The following ANK1 variants were observed in gnomAD, a reference collection of about 807,000 sequenced individuals.
ANK1 encodes the protein ankyrin-1.
ANK1 carries 51 observed loss-of-function variants against 210.4 expected under a neutral mutation model. The observed-to-expected ratio is 0.24, with a 90% CI of 0.19 to 0.31. The LOEUF is 0.31. Among genes scored for constraint, ANK1 ranks in the 10% least tolerant of loss-of-function variants. ANK1 has a pLI of 1.00. For missense variants in ANK1, 2,051 were observed against 2,504.4 expected (o/e 0.82, Z 3.86); for synonymous variants, 967 against 1,025.9 (o/e 0.94, Z 1.10).
intron 1 of ANK1, among the ~76,000 whole-genome samples, chr8:41,812,396 G>T (rs927019514): frequency 1.3e-5 from 2 of 152,204 alleles, no homozygotes; most frequent in African/African-American, 4.8e-5. Flanking sequence ...CTGTAGAAAG[G>T]AAGAAGGGCC....
At chr8:41,749,904 G>A (rs577993259) in intron 2 of ANK1, among the ~76,000 whole-genome samples, 9 of 152,314 alleles carry the variant, frequency 5.9e-5, no homozygotes, top group African/African-American at 1.2e-4. Context: ...GAGCCACCAC[G>A]CCCAGCCTCA....
At chr8:41,763,881 C>CTTTTTTGTTT (rs1841052618) in intron 1 of ANK1, among the ~76,000 whole-genome samples, 2 of 72,136 alleles carry the variant, frequency 2.8e-5, no homozygotes, top group Non-Finnish European at 5.4e-5. Context: ...TTCTTTTTTT[C>CTTTTTTGTTT]TTTTTTTCTT....
chr8:41,865,037 C>T (rs991128634), intron 1 of ANK1, among the ~76,000 whole-genome samples: 2 of 152,184 alleles, frequency 1.3e-5, no homozygotes, highest in Non-Finnish European at 2.9e-5. Context: ...GGGATCACCC[C>T]CATTCCTACC....
rs367977787 is a variant in ANK1, at chr8:41,708,832, T to C, written c.1944A>G (p.Ala648=). 44 of 1,613,978 alleles carry C rather than the reference T, an allele frequency of 2.7e-5. No individual in the cohort carries two copies. In the African/African-American group the frequency reaches 4.0e-4, roughly 15 times the overall value. Residue 648 remains alanine (A), a synonymous_variant, in exon 17 of 43, where the codon GCA becomes GCG. Coordinates refer to ENST00000289734, the MANE Select transcript of ANK1 (RefSeq NM_000037.4). ...PLHLAAQEGH[A]EMVALLLSKQ... ...TCGAGAGCAGCAGAGCCACCATCTC[T>C]GCGTGGCCCTCCTGGGCGGCCAGGT... is the stretch of plus-strand genomic sequence containing the variant.
chr8:41,777,393 G>A (rs891882923), intron 1 of ANK1, among the ~76,000 whole-genome samples: 8 of 152,002 alleles, frequency 5.3e-5, no homozygotes, highest in African/African-American at 1.9e-4. Context: ...TGGCCAACAT[G>A]GTGAAACCCC....
rs924887445 is a variant in ANK1, at chr8:41,712,929, G to A, written c.1800+1227C>T. On this transcript the variant is annotated intron_variant, in intron 16 of 42. Coordinates refer to ENST00000289734, the MANE Select transcript of ANK1 (RefSeq NM_000037.4). ...AGTAAGTCGACATCGCAGCGGGGCC[G>A]TGTGCTCCCTCTGCACAGCGACGTG... Among the ~76,000 whole-genome samples the A allele has an allele frequency of 7.2e-5, 11 of 152,272 alleles. No individual in the cohort carries two copies. In the East Asian group the frequency reaches 7.7e-4, roughly 11 times the overall value.
At chr8:41,725,221 G>A (rs187869686) in intron 6 of ANK1, among the ~76,000 whole-genome samples, 26 of 152,340 alleles carry the variant, frequency 1.7e-4, no homozygotes, top group Admixed American at 4.6e-4. Flanking sequence ...GTGGAAGAGG[G>A]GAGGGGCGGG....
intron 1 of ANK1, among the ~76,000 whole-genome samples, chr8:41,881,039 G>A (rs1046768968): frequency 2.0e-5 from 3 of 152,220 alleles, no homozygotes; most frequent in African/African-American, 7.2e-5. Flanking sequence ...ACAGAGAGTT[G>A]GGCCTGGAGA....
intron 39 of ANK1, chr8:41,665,413 C>T (rs989326202): frequency 6.5e-6 from 4 of 613,840 alleles, no homozygotes; most frequent in Non-Finnish European, 9.8e-6. Flanking sequence ...GTGTGAGTGA[C>T]ACCCGCTGCT....
intron 1 of ANK1, among the ~76,000 whole-genome samples, chr8:41,838,264 G>C (rs1359578031): frequency 3.9e-5 from 6 of 152,194 alleles, no homozygotes; most frequent in Admixed American, 2.0e-4. Context: ...CACACAGCTG[G>C]TGTGAGGGTG....
chr8:41,697,799 C>T, intron 24 of ANK1: 3 of 595,038 alleles, frequency 5.0e-6, no homozygotes, highest in South Asian at 3.6e-5. Context: ...TCCTGGGCTG[C>T]ATCCAAGGAC....
chr8:41,837,370 AC>A (rs1291542506), intron 1 of ANK1, among the ~76,000 whole-genome samples: 3 of 152,110 alleles, frequency 2.0e-5, no homozygotes, highest in Admixed American at 6.5e-5. Context: ...GTTTTTTATT[AC>A]TTGCGCTGTG....
At chr8:41,682,815 T>C (rs1816491789) in intron 37 of ANK1, among the ~76,000 whole-genome samples, 1 of 152,220 alleles carries the variant, frequency 6.6e-6, no homozygotes, top group Non-Finnish European at 1.5e-5. Flanking sequence ...ACCAAAAGTA[T>C]GCGCTGGGTG....
At chr8:41,752,804 C>CCCT in intron 2 of ANK1, among the ~76,000 whole-genome samples, 1 of 151,774 alleles carries the variant, frequency 6.6e-6, no homozygotes, top group East Asian at 1.9e-4. Context: ...ACAGGCCCCC[C>CCCT]CCCACTGCAC....
rs541878122 is a variant in ANK1 at position 41,720,233 on chromosome 8, C to T, written c.910-375G>A. On this transcript the variant is annotated intron_variant, in intron 9 of 42. Coordinates refer to ENST00000289734, the MANE Select transcript of ANK1 (RefSeq NM_000037.4). Reference sequence around the variant, plus strand: ...GTATCTCTTCTCTTTATTTATACGCCTCTTAAGATCAGTGACTTAGCCTAA... The same window carrying T: ...GTATCTCTTCTCTTTATTTATACGCTTCTTAAGATCAGTGACTTAGCCTAA... Among the ~76,000 whole-genome samples the T allele has an allele frequency of 2.6e-5, 4 of 152,286 alleles. No individual in the cohort carries two copies. The South Asian group carries it at 8.3e-4, about 32-fold the overall frequency.
At chr8:41,840,999 T>G (rs1342347360) in intron 1 of ANK1, among the ~76,000 whole-genome samples, 1 of 152,176 alleles carries the variant, frequency 6.6e-6, no homozygotes, top group African/African-American at 2.4e-5. Flanking sequence ...GGAGGGTCTT[T>G]CAGCAATTAC....
At chr8:41,663,635 C>T (rs757257850) in intron 40 of ANK1, 24 bp downstream of exon 40, 2 of 1,605,936 alleles carry the variant, frequency 1.2e-6, no homozygotes, top group Non-Finnish European at 8.5e-7. Context: ...CTCCCCAGCA[C>T]AGAGGGGAAC....
Position 41,693,979 on chromosome 8 carries a change from G to C in ANK1, c.3451C>G (p.Leu1151Val), listed in dbSNP as rs1045597972. 6.8e-6 allele frequency: 11 copies of C among 1,614,158 alleles called. No homozygotes were observed. Among genetic ancestry groups the C allele is most frequent in the Non-Finnish European group, 8.5e-6 (10 of 1,180,034 alleles). ...FHRPIGLRIPLPPSWTDNPRD... is the reference protein window; with the variant it reads ...FHRPIGLRIPVPPSWTDNPRD... Reference sequence around the variant, plus strand: ...GGGTTGTCGGTCCAGGAAGGAGGTAGTGGGATCCGAAGCCCAATGGGGCGG... The same window carrying C: ...GGGTTGTCGGTCCAGGAAGGAGGTACTGGGATCCGAAGCCCAATGGGGCGG... The change falls in exon 29 of 43, where the codon CTA becomes GTA. Residue 1151 changes from leucine to valine, a missense_variant. Coordinates refer to ENST00000289734, the MANE Select transcript of ANK1 (RefSeq NM_000037.4).
chr8:41,835,526 G>A (rs73626613), intron 1 of ANK1, among the ~76,000 whole-genome samples: 10,514 of 152,114 alleles, frequency 0.069, 1,178 homozygotes, highest in African/African-American at 0.23. Context: ...CCTTCGGGCC[G>A]AGGCTGCAGT....
Sources: gnomAD v4.1 joint callset for allele counts (sites outside exome capture counted in the v4.1 genomes callset) on GRCh38, gnomAD v4.1.1 for gene constraint, MANE v1.5 for transcripts, NCBI Gene and HGNC (gene_info 2026-07-23, HGNC 2026-07-21) for gene names.